Variants in CNTD1 observed in about 807,000 individuals in gnomAD.
The protein encoded by CNTD1 is cyclin N-terminal domain containing 1, also known as cyclin N-terminal domain-containing protein 1.
CNTD1 carries 17 observed loss-of-function variants against 36.3 expected under a neutral mutation model. The ratio of observed to expected loss-of-function variants is 0.47; its 90% CI spans 0.32 to 0.70. The LOEUF (loss-of-function observed/expected upper bound fraction) is 0.70, where lower values mean the gene tolerates loss of function less well. Ranked by LOEUF, CNTD1 falls within the 30% of genes least tolerant of loss-of-function variation. The pLI, the probability that CNTD1 is intolerant of heterozygous loss-of-function variation, is 0.03. For missense variants in CNTD1, 338 were observed against 386.1 expected, an observed-to-expected ratio of 0.88 and a Z score of 1.04; for synonymous variants, 128 against 153.3, an observed-to-expected ratio of 0.83 and a Z score of 1.22.
chr17:42,803,847 G>A lies in CNTD1; in HGVS notation c.245+152G>A. 8 of 705,936 alleles carry A rather than the reference G, an allele frequency of 1.1e-5. No homozygotes were observed. In the South Asian group the frequency reaches 1.4e-4, roughly 13 times the overall value. 43.7% of individuals were successfully genotyped at this position (705,936 alleles called of 1,614,324 possible). ...AAATATAAATTTCTTTGTTGTTATTGTTGTTTTGAGACAGGGTCTTGCTCT... is the reference window on the plus strand; with the variant it reads ...AAATATAAATTTCTTTGTTGTTATTATTGTTTTGAGACAGGGTCTTGCTCT... On this transcript the variant is annotated intron_variant, in intron 2 of 6. Coordinates refer to ENST00000588408, the MANE Select transcript of CNTD1 (RefSeq NM_173478.3).
intron 1 of CNTD1, among the ~76,000 whole-genome samples, chr17:42,802,286 A>C (rs2054808956): frequency 6.6e-6 from 1 of 152,164 alleles, no homozygotes; most frequent in African/African-American, 2.4e-5. Context: ...TCTTTTAGTT[A>C]ATAGCAGATC....
intron 1 of CNTD1, among the ~76,000 whole-genome samples, chr17:42,800,820 G>T (rs2054766653): frequency 6.6e-6 from 1 of 152,128 alleles, no homozygotes; most frequent in African/African-American, 2.4e-5. Context: ...AATTTAGGAA[G>T]TGAAGGAGGA....
At chr17:42,799,831 T>C (rs1186726907) in intron 1 of CNTD1, among the ~76,000 whole-genome samples, 3 of 139,216 alleles carry the variant, frequency 2.2e-5, no homozygotes, top group East Asian at 2.2e-4. Flanking sequence ...TTTGGGAGGC[T>C]GAGGCGGGCA....
At chr17:42,806,176 C>T (rs1751226605) in intron 4 of CNTD1, among the ~76,000 whole-genome samples, 3 of 150,996 alleles carry the variant, frequency 2.0e-5, no homozygotes, top group South Asian at 4.2e-4. Context: ...TGCAGTGAGC[C>T]GAGATCATGC....
rs1293070207 is a variant in CNTD1 at position 42,799,178 on chromosome 17, G to A, written c.111G>A (p.Glu37=). 4 of 1,614,026 alleles carry A rather than the reference G, an allele frequency of 2.5e-6. No individual in the cohort carries two copies. The highest frequency in any genetic ancestry group is 3.4e-6 in the Non-Finnish European group (4 of 1,180,020). Reference sequence around the variant, plus strand: ...TGCTTCACTTGGCCCAGCAGAATGAGCAAGCAGTGAGGGAGGCTTCGGGGC... The same window carrying A: ...TGCTTCACTTGGCCCAGCAGAATGAACAAGCAGTGAGGGAGGCTTCGGGGC... The part of the protein sequence containing the change: ...DALLHLAQQN[E]QAVREASGRL... The change falls in exon 1 of 7, where the codon GAG becomes GAA. Residue 37 remains glutamate (E), a synonymous_variant. Transcript: ENST00000588408.
intron 3 of CNTD1, 133 bp from the exon 4 acceptor site, chr17:42,805,589 T>C: frequency 1.4e-6 from 1 of 734,528 alleles, no homozygotes; most frequent in Non-Finnish European, 2.1e-6. Flanking sequence ...ACAAGCAGAG[T>C]GTGAGGGGGA....
rs138856493 is a variant in CNTD1 at position 42,809,278 on chromosome 17, A to G, written c.823-87A>G. On this transcript the variant is annotated intron_variant, in intron 6 of 6. Transcript: ENST00000588408. ...GAAAAATGAATTTACAATTGCCTTG[A>G]GAGAACATCCCAAGTAATGTGTGTG... 61 of 1,256,116 alleles carry G rather than the reference A, an allele frequency of 4.9e-5. No individual in the cohort carries two copies. In the East Asian group the frequency reaches 1.4e-3, roughly 28 times the overall value. The allele number at this position is 1,256,116 out of a possible 1,614,324, so 77.8% of individuals were successfully genotyped here. A position where few individuals can be genotyped will look rare whatever the true frequency, so the allele number is the denominator to read the frequency against.
At chr17:42,806,535 C>T in intron 4 of CNTD1, 139 bp from the exon 5 acceptor site, 1 of 809,802 alleles carries the variant, frequency 1.2e-6, no homozygotes, top group African/African-American at 1.7e-5. Context: ...AACTGATCTC[C>T]AGCTAAACAG....
In CNTD1 at chr17:42,806,760, A is replaced by G. The variant is rs1185060530; in HGVS notation, c.667A>G (p.Ile223Val). Residue 223 changes from isoleucine to valine, a missense_variant, in exon 5 of 7, where the codon ATA becomes GTA. Ile to Val is a conservative substitution (Grantham distance 29). Coordinates refer to ENST00000588408, the MANE Select transcript of CNTD1 (RefSeq NM_173478.3). Reference protein sequence around the residue: ...LDLVYLLHEPIYESLLRASIE... With the variant: ...LDLVYLLHEPVYESLLRASIE... Reference sequence around the variant, plus strand: ...CCTGGTCTATCTTCTGCATGAACCCATATATGAGAGCCTGTTGAGGGCTTC... The same window carrying G: ...CCTGGTCTATCTTCTGCATGAACCCGTATATGAGAGCCTGTTGAGGGCTTC... The G allele has an allele frequency of 2.5e-6, 4 of 1,614,154 alleles. No individual in the cohort carries two copies. The highest frequency in any genetic ancestry group is 3.4e-6 in the Non-Finnish European group (4 of 1,180,034).
chr17:42,805,865 G>A lies in CNTD1; in HGVS notation c.561G>A (p.Glu187=). Residue 187 remains glutamate (E), a synonymous_variant, in exon 4 of 7, where the codon GAG becomes GAA. Coordinates refer to ENST00000588408, the MANE Select transcript of CNTD1 (RefSeq NM_173478.3). ...TGCCCACTCCCCTGGCATATGTGGA[G>A]ACGCTCCTAGAGGTTTTAGGTATCT... The part of the protein sequence containing the change: ...INLPTPLAYV[E]TLLEVLGYNG... The A allele has an allele frequency of 6.2e-7, 1 of 1,613,020 alleles. No individual in the cohort carries two copies. Among genetic ancestry groups the A allele is most frequent in the South Asian group, 1.1e-5 (1 of 90,942 alleles).
intron 3 of CNTD1, 130 bp downstream of exon 3, chr17:42,804,526 G>A (rs1597915748): frequency 7.4e-6 from 6 of 813,984 alleles, no homozygotes; most frequent in East Asian, 5.6e-5. Flanking sequence ...TAAAAACAAC[G>A]GCCGGGCGCG....
Position 42,811,098 on chromosome 17 carries a change from G to A in CNTD1, c.*1563G>A. 4.8e-6 allele frequency: 3 copies of A among 619,612 alleles called. No homozygotes were observed. The highest frequency in any genetic ancestry group is 7.8e-6 in the Non-Finnish European group (3 of 383,772). 38.4% of individuals were successfully genotyped at this position (619,612 alleles called of 1,614,324 possible). A position where few individuals can be genotyped will look rare whatever the true frequency, so the allele number is the denominator to read the frequency against. On this transcript the variant is annotated 3_prime_UTR_variant, in exon 7 of 7. Transcript: ENST00000588408. ...TTGAAAGCCAAAAATCAAGAAGACT[G>A]TCACAAGAGCCTCATTGTCATTGCA...
chr17:42,808,003 G>A lies in CNTD1; in HGVS notation c.822+139G>A, dbSNP rs2054908660. The A allele has an allele frequency of 6.5e-6, 4 of 611,536 alleles. No homozygotes were observed. In the East Asian group the frequency reaches 8.6e-5, roughly 13 times the overall value. The allele number at this position is 611,536 out of a possible 1,614,324, so 37.9% of individuals were successfully genotyped here. On this transcript the variant is annotated intron_variant, in intron 6 of 6. Coordinates refer to ENST00000588408, the MANE Select transcript of CNTD1 (RefSeq NM_173478.3). The stretch of plus-strand genomic sequence containing the variant: ...TAGGATGGGTGTGCAAGATTTGAGA[G>A]GGAAAAATCTAGGATAGGGCTGAAA...
intron 4 of CNTD1, among the ~76,000 whole-genome samples, chr17:42,806,226 CAAA>C (rs34561225): frequency 7.7e-6 from 1 of 129,490 alleles, no homozygotes; most frequent in Admixed American, 7.8e-5. Flanking sequence ...GACTCCTTCT[CAAA>C]AAAAAAAAAA....
chr17:42,799,173 A>G lies in CNTD1; in HGVS notation c.106A>G (p.Asn36Asp). Residue 36 changes from asparagine to aspartate, a missense_variant, in exon 1 of 7, where the codon AAT becomes GAT. Physicochemically the swap from Asn to Asp is conservative, Grantham distance 23. Coordinates refer to ENST00000588408, the MANE Select transcript of CNTD1 (RefSeq NM_173478.3). ...CGCCCTGCTTCACTTGGCCCAGCAG[A>G]ATGAGCAAGCAGTGAGGGAGGCTTC... ...EDALLHLAQQNEQAVREASGR... is the reference protein window; with the variant it reads ...EDALLHLAQQDEQAVREASGR... 1 of 1,613,846 alleles carries G rather than the reference A, an allele frequency of 6.2e-7. No homozygotes were observed. Among genetic ancestry groups the G allele is most frequent in the Non-Finnish European group, 8.5e-7 (1 of 1,179,950 alleles).
chr17:42,809,641 C>A lies in CNTD1; in HGVS notation c.*106C>A. Reference sequence around the variant, plus strand: ...ACAAAAATTCCAAGTCTCTTTTGAACTGTATTTTGTATGCCAATTTCATGC... The same window carrying A: ...ACAAAAATTCCAAGTCTCTTTTGAAATGTATTTTGTATGCCAATTTCATGC... On this transcript the variant is annotated 3_prime_UTR_variant, in exon 7 of 7. Transcript: ENST00000588408. 9.6e-7 allele frequency: 1 copy of A among 1,041,570 alleles called. No individual in the cohort carries two copies. Among genetic ancestry groups the A allele is most frequent in the East Asian group, 2.6e-5 (1 of 38,138 alleles). 64.5% of individuals were successfully genotyped at this position (1,041,570 alleles called of 1,614,324 possible). A position where few individuals can be genotyped will look rare whatever the true frequency, so the allele number is the denominator to read the frequency against.
chr17:42,801,776 G>T (rs1327431668), intron 1 of CNTD1, among the ~76,000 whole-genome samples: 1 of 151,828 alleles, frequency 6.6e-6, no homozygotes. Context: ...GAAAAGAAAA[G>T]CAGGTCAAGG....
At position 42,804,224 on chromosome 17, in the gene CNTD1, G is replaced by GCA. The variant is rs1261659619; in HGVS notation, c.246-1_246insCA (p.Arg82SerfsTer5). On this transcript the variant is annotated frameshift_variant and splice_region_variant. Coordinates refer to ENST00000588408, the MANE Select transcript of CNTD1 (RefSeq NM_173478.3). LOFTEE classifies it high-confidence loss of function. ...GTTTACTCTCCCTCCCTTCCCTACA[G>GCA]GTTTATGGTAAAACAGGCAGAGAAC... 9 of 1,612,974 alleles carry GCA rather than the reference G, an allele frequency of 5.6e-6. No homozygotes were observed. The highest frequency in any genetic ancestry group is 8.5e-7 in the Non-Finnish European group (1 of 1,179,420).
chr17:42,810,823 C>T lies in CNTD1; in HGVS notation c.*1288C>T. 6.2e-7 allele frequency: 1 copy of T among 1,613,494 alleles called. No homozygotes were observed. Among genetic ancestry groups the T allele is most frequent in the East Asian group, 2.2e-5 (1 of 44,854 alleles). On this transcript the variant is annotated 3_prime_UTR_variant, in exon 7 of 7. Transcript: ENST00000588408. ...CCCACTTAAGATTCGTCAGCATGAACTTGAGAGCTTTTGTCCACTGCTCCT... is the reference window on the plus strand; with the variant it reads ...CCCACTTAAGATTCGTCAGCATGAATTTGAGAGCTTTTGTCCACTGCTCCT...
Sources: allele counts gnomAD v4.1 joint callset (sites outside exome capture counted in the v4.1 genomes callset), GRCh38; gene constraint gnomAD v4.1.1; transcripts MANE v1.5; gene names NCBI Gene and HGNC (gene_info 2026-07-23, HGNC 2026-07-21).